CSRNP3: variants seen among roughly 807,000 people sequenced by gnomAD.
CSRNP3 encodes cysteine and serine rich nuclear protein 3, also known as cysteine/serine-rich nuclear protein 3.
A neutral mutation model predicts 48.0 loss-of-function variants in CSRNP3; 12 were observed. The observed-to-expected ratio is 0.25, with a 90% CI of 0.16 to 0.41. The LOEUF (loss-of-function observed/expected upper bound fraction) is 0.41, where lower values mean the gene tolerates loss of function less well. Among genes scored for constraint, CSRNP3 ranks in the 10% least tolerant of loss-of-function variants. The pLI is 1.00. For synonymous variants in CSRNP3, 263 were observed against 269.7 expected, an observed-to-expected ratio of 0.98 and a Z score of 0.24; for missense variants, 580 against 724.4, an observed-to-expected ratio of 0.80 and a Z score of 2.29.
In CSRNP3 at chr2:165,497,131, C is replaced by T. The variant is rs376892391; in HGVS notation, c.-113+2203C>T. Among the ~76,000 whole-genome samples the T allele has an allele frequency of 2.7e-4, 41 of 151,998 alleles. No homozygotes were observed. In the East Asian group the frequency reaches 2.9e-3, roughly 11 times the overall value. On this transcript the variant is annotated intron_variant, in intron 2 of 6. Coordinates refer to ENST00000651982, the MANE Select transcript of CSRNP3 (RefSeq NM_001172173.2). ...TTTTATTTTTTAATAACTATTTTGA[C>T]GTGTGGTTTTAACTGCTCCACTCCA...
rs1420544448 is a variant in CSRNP3, at chr2:165,685,170, T to G, written c.*5417T>G. 1 of 152,138 alleles carries G rather than the reference T, an allele frequency of 6.6e-6. No homozygotes were observed. The highest frequency in any genetic ancestry group is 1.5e-5 in the Non-Finnish European group (1 of 68,006). 9.4% of individuals were successfully genotyped at this position (152,138 alleles called of 1,614,324 possible). ...AAAGTGCAGACATTTAAAAAAGCTCTTCTTTCACATTTTACCTACCAAATC... is the reference window on the plus strand; with the variant it reads ...AAAGTGCAGACATTTAAAAAAGCTCGTCTTTCACATTTTACCTACCAAATC... On this transcript the variant is annotated 3_prime_UTR_variant, in exon 7 of 7. Transcript: ENST00000651982.
At chr2:165,648,997 G>A (rs1323438303) in intron 4 of CSRNP3, among the ~76,000 whole-genome samples, 1 of 152,184 alleles carries the variant, frequency 6.6e-6, no homozygotes, top group Non-Finnish European at 1.5e-5. Flanking sequence ...TGGGAGGAGA[G>A]CTGGTTCCCT....
intron 4 of CSRNP3, among the ~76,000 whole-genome samples, chr2:165,599,327 A>AAGAAAGAT (rs1472699208): frequency 6.6e-6 from 1 of 150,788 alleles, no homozygotes; most frequent in East Asian, 2.0e-4. Context: ...GAAAGAAAGA[A>AAGAAAGAT]AGGAAAAGAA....
intron 6 of CSRNP3, among the ~76,000 whole-genome samples, chr2:165,677,451 T>C (rs1424650296): frequency 6.6e-6 from 1 of 152,186 alleles, no homozygotes; most frequent in East Asian, 1.9e-4. Context: ...TGGTGCGCTA[T>C]GATTAGTGTC....
intron 4 of CSRNP3, among the ~76,000 whole-genome samples, chr2:165,644,643 G>A (rs1240906632): frequency 6.6e-6 from 1 of 152,088 alleles, no homozygotes; most frequent in Non-Finnish European, 1.5e-5. Context: ...AGCATGCTTT[G>A]GAAATGTGTA....
chr2:165,478,213 G>T (rs1299667716), intron 1 of CSRNP3, among the ~76,000 whole-genome samples: 1 of 152,102 alleles, frequency 6.6e-6, no homozygotes, highest in Non-Finnish European at 1.5e-5. Context: ...TATCTACTGT[G>T]TTATTAAAGA....
At chr2:165,607,498 C>T (rs1163435179) in intron 4 of CSRNP3, among the ~76,000 whole-genome samples, 1 of 152,100 alleles carries the variant, frequency 6.6e-6, no homozygotes, top group Non-Finnish European at 1.5e-5. Context: ...CTCCAGTCCC[C>T]ACAGTGACAT....
chr2:165,673,744 A>G (rs1236516893), intron 5 of CSRNP3, among the ~76,000 whole-genome samples: 3 of 152,122 alleles, frequency 2.0e-5, no homozygotes, highest in South Asian at 2.1e-4. Context: ...TTTTTAAAAA[A>G]TAGAGGTGGC....
chr2:165,596,421 A>T (rs1277817361), intron 4 of CSRNP3, among the ~76,000 whole-genome samples: 1 of 152,112 alleles, frequency 6.6e-6, no homozygotes, highest in African/African-American at 2.4e-5. Flanking sequence ...TACTTTGGCA[A>T]TGTAGCAACT....
At chr2:165,650,278 A>G (rs1446522356) in intron 4 of CSRNP3, among the ~76,000 whole-genome samples, 2 of 152,296 alleles carry the variant, frequency 1.3e-5, no homozygotes, top group East Asian at 3.9e-4. Flanking sequence ...ACAAGGAAAG[A>G]TTGCTTTTAA....
intron 4 of CSRNP3, among the ~76,000 whole-genome samples, chr2:165,642,149 G>T (rs76148027): frequency 0.023 from 3,081 of 136,502 alleles, 104 homozygotes; most frequent in African/African-American, 0.08. Flanking sequence ...CACACACACG[G>T]TATAATGTAT....
intron 3 of CSRNP3, among the ~76,000 whole-genome samples, chr2:165,581,558 A>G (rs781457858): frequency 1.6e-4 from 16 of 99,768 alleles, no homozygotes; most frequent in Non-Finnish European, 2.7e-4. Context: ...TTTTTTTGAG[A>G]CAGAGTCTCA....
chr2:165,500,389 A>T (rs1194020328), intron 2 of CSRNP3, among the ~76,000 whole-genome samples: 1 of 148,188 alleles, frequency 6.7e-6, no homozygotes, highest in Non-Finnish European at 1.5e-5. Flanking sequence ...GTATATGTAT[A>T]TATGTATACA....
intron 5 of CSRNP3, among the ~76,000 whole-genome samples, chr2:165,666,389 GAGAA>G (rs1687203180): frequency 9.2e-6 from 1 of 109,118 alleles, no homozygotes; most frequent in Non-Finnish European, 2.0e-5. Flanking sequence ...AAGAGAGAGA[GAGAA>G]AGGAAGGAAG....
chr2:165,507,628 A>C (rs1429314080), intron 2 of CSRNP3, among the ~76,000 whole-genome samples: 2 of 152,074 alleles, frequency 1.3e-5, no homozygotes, highest in African/African-American at 4.8e-5. Flanking sequence ...TTTATATTTC[A>C]CATTGGCATT....
At chr2:165,560,197 T>C (rs1284072376) in intron 3 of CSRNP3, among the ~76,000 whole-genome samples, 1 of 152,212 alleles carries the variant, frequency 6.6e-6, no homozygotes, top group Non-Finnish European at 1.5e-5. Flanking sequence ...TTATTTTACC[T>C]GGAAATTTTC....
intron 3 of CSRNP3, among the ~76,000 whole-genome samples, chr2:165,560,982 A>G (rs1685226863): frequency 6.6e-6 from 1 of 152,152 alleles, no homozygotes; most frequent in African/African-American, 2.4e-5. Context: ...ATAGCTGTCC[A>G]CTTTTGCATA....
intron 3 of CSRNP3, among the ~76,000 whole-genome samples, chr2:165,562,952 G>C (rs577438464): frequency 6.6e-6 from 1 of 152,166 alleles, no homozygotes; most frequent in South Asian, 2.1e-4. Context: ...CTTCAAGAGG[G>C]TGGGAGAGTT....
At chr2:165,484,177 C>G (rs1684083484) in intron 1 of CSRNP3, among the ~76,000 whole-genome samples, 2 of 152,110 alleles carry the variant, frequency 1.3e-5, no homozygotes, top group Admixed American at 1.3e-4. Context: ...GCAGCCTCCA[C>G]CTCCCAGGTT....
Sources: gnomAD v4.1 joint callset for allele counts (sites outside exome capture counted in the v4.1 genomes callset) on GRCh38, gnomAD v4.1.1 for gene constraint, MANE v1.5 for transcripts, NCBI Gene and HGNC (gene_info 2026-07-23, HGNC 2026-07-21) for gene names.